The following STRN variants were observed in gnomAD, a reference collection of about 807,000 sequenced individuals.
STRN encodes striatin.
A neutral mutation model predicts 96.3 loss-of-function variants in STRN; 53 were observed. That is an observed-to-expected ratio of 0.55 (90% CI 0.44 to 0.69). The LOEUF (loss-of-function observed/expected upper bound fraction) is 0.69. Among genes scored for constraint, STRN ranks in the 30% least tolerant of loss-of-function variants. The pLI is 0.00. For missense variants in STRN, 987 were observed against 963.9 expected (o/e 1.02, Z -0.32); for synonymous variants, 428 against 355.9 (o/e 1.20, Z -2.28).
intron 6 of STRN, among the ~76,000 whole-genome samples, chr2:36,897,317 G>A (rs1189614791): frequency 2.0e-5 from 3 of 151,544 alleles, no homozygotes; most frequent in South Asian, 2.1e-4. Context: ...AGTCCTTTTC[G>A]GCATATAGCT....
chr2:36,864,139 GC>G (rs1330996485), intron 12 of STRN, among the ~76,000 whole-genome samples: 1 of 152,080 alleles, frequency 6.6e-6, no homozygotes, highest in Non-Finnish European at 1.5e-5. Context: ...CTATTTGAAT[GC>G]CTTTTCTTTT....
intron 15 of STRN, among the ~76,000 whole-genome samples, chr2:36,852,077 C>G (rs924620141): frequency 1.3e-5 from 2 of 152,202 alleles, no homozygotes; most frequent in African/African-American, 2.4e-5. Flanking sequence ...AATCAGGTGA[C>G]AAAATCAGTA....
intron 1 of STRN, among the ~76,000 whole-genome samples, chr2:36,936,099 T>A (rs559639431): frequency 6.6e-6 from 1 of 152,178 alleles, no homozygotes; most frequent in Non-Finnish European, 1.5e-5. Context: ...AAAAAACTTA[T>A]GATGCCTAAT....
At chr2:36,947,945 A>T (rs1664637052) in intron 1 of STRN, among the ~76,000 whole-genome samples, 1 of 152,008 alleles carries the variant, frequency 6.6e-6, no homozygotes, top group African/African-American at 2.4e-5. Context: ...TTAAAGTAAC[A>T]TCTTCCAAGG....
intron 3 of STRN, among the ~76,000 whole-genome samples, chr2:36,914,734 T>C (rs1353032918): frequency 6.6e-6 from 1 of 152,198 alleles, no homozygotes; most frequent in African/African-American, 2.4e-5. Context: ...AATATGAATT[T>C]TGGAGTCAGA....
intron 2 of STRN, among the ~76,000 whole-genome samples, chr2:36,917,125 AAAGT>A (rs1670124083): frequency 6.6e-6 from 1 of 151,930 alleles, no homozygotes; most frequent in Non-Finnish European, 1.5e-5. Context: ...CCAAAATAAT[AAAGT>A]AATAAAGGAA....
At chr2:36,949,023 A>AT (rs1203409095) in intron 1 of STRN, among the ~76,000 whole-genome samples, 6 of 152,258 alleles carry the variant, frequency 3.9e-5, no homozygotes, top group African/African-American at 1.4e-4. Context: ...CCATATATAC[A>AT]TGATGGTGGT....
At chr2:36,948,236 G>C (rs527278136) in intron 1 of STRN, among the ~76,000 whole-genome samples, 1 of 151,332 alleles carries the variant, frequency 6.6e-6, no homozygotes, top group East Asian at 1.9e-4. Flanking sequence ...TGAGTAGCTG[G>C]GATTACAGGC....
intron 12 of STRN, among the ~76,000 whole-genome samples, chr2:36,862,885 A>G (rs7572716): frequency 0.89 from 134,729 of 152,016 alleles, 60,097 homozygotes; most frequent in East Asian, 1. Context: ...ACAGGCGCCC[A>G]CCACCACGCC....
At chr2:36,878,728 AT>A (rs947421034) in intron 9 of STRN, among the ~76,000 whole-genome samples, 8 of 151,384 alleles carry the variant, frequency 5.3e-5, no homozygotes, top group Admixed American at 4.0e-4. Flanking sequence ...TTCATCTAAA[AT>A]TTTTTTTTAT....
chr2:36,953,419 T>G (rs1412774784), intron 1 of STRN, among the ~76,000 whole-genome samples: 1 of 151,042 alleles, frequency 6.6e-6, no homozygotes, highest in Admixed American at 6.6e-5. Flanking sequence ...TTTTTTTTTT[T>G]GGAAATGCAG....
chr2:36,898,036 AT>A (rs1346431476), intron 6 of STRN, among the ~76,000 whole-genome samples: 1 of 152,124 alleles, frequency 6.6e-6, no homozygotes, highest in African/African-American at 2.4e-5. Context: ...TATATTTATT[AT>A]GTTGTTTACT....
At chr2:36,889,496 T>C (rs1257323714) in intron 7 of STRN, among the ~76,000 whole-genome samples, 2 of 151,904 alleles carry the variant, frequency 1.3e-5, no homozygotes, top group Non-Finnish European at 2.9e-5. Context: ...GAAGTTAAAA[T>C]GTAGCCTTAT....
At chr2:36,855,419 A>G (rs1030873128) in intron 14 of STRN, 67 bp from the exon 15 acceptor site, 48 of 1,539,836 alleles carry the variant, frequency 3.1e-5, no homozygotes, top group Non-Finnish European at 7.9e-6. Flanking sequence ...CTTAAAATAG[A>G]GCAAAACAAA....
At chr2:36,922,424 T>C (rs1489761390) in intron 2 of STRN, among the ~76,000 whole-genome samples, 3 of 146,676 alleles carry the variant, frequency 2.0e-5, no homozygotes, top group Middle Eastern at 7.6e-3. Context: ...GAGGCTGAAG[T>C]GGGAGGATCA....
At chr2:36,934,232 A>AT (rs1209252962) in intron 1 of STRN, among the ~76,000 whole-genome samples, 4 of 152,210 alleles carry the variant, frequency 2.6e-5, no homozygotes, top group African/African-American at 7.2e-5. Flanking sequence ...GAAATGTTCT[A>AT]TATCTCCCCC....
At position 36,845,908 on chromosome 2, in the gene STRN, C is replaced by T; in HGVS notation, c.*3548G>A. Reference sequence around the variant, plus strand: ...AAACACACACACACACACACACACGCATGCATGCACACACACACACACACA... The same window carrying T: ...AAACACACACACACACACACACACGTATGCATGCACACACACACACACACA... On this transcript the variant is annotated 3_prime_UTR_variant, in exon 18 of 18. Coordinates refer to ENST00000263918, the MANE Select transcript of STRN (RefSeq NM_003162.4). 2.8e-5 allele frequency: 1 copy of T among 36,014 alleles called. No individual in the cohort carries two copies. The highest frequency in any genetic ancestry group is 1.5e-3 in the South Asian group (1 of 686). The allele number at this position is 36,014 out of a possible 1,614,324, so 2.2% of individuals were successfully genotyped here.
chr2:36,910,100 G>A (rs1025228899), intron 3 of STRN, among the ~76,000 whole-genome samples: 1 of 151,372 alleles, frequency 6.6e-6, no homozygotes, highest in Non-Finnish European at 1.5e-5. Flanking sequence ...TTGAACCTGG[G>A]AGGCGGAGGC....
intron 1 of STRN, among the ~76,000 whole-genome samples, chr2:36,960,325 G>C (rs535863165): frequency 6.6e-6 from 1 of 152,254 alleles, no homozygotes; most frequent in East Asian, 1.9e-4. Flanking sequence ...TCAATGTTCT[G>C]AGGCTGACAC....
Sources: allele counts gnomAD v4.1 joint callset (sites outside exome capture counted in the v4.1 genomes callset), GRCh38; gene constraint gnomAD v4.1.1; transcripts MANE v1.5; gene names NCBI Gene and HGNC (gene_info 2026-07-23, HGNC 2026-07-21).